Variants in NRG1 observed in about 807,000 individuals in gnomAD.
NRG1 encodes pro-neuregulin-1, membrane-bound isoform.
In NRG1, 18 loss-of-function variants were observed where a neutral mutation model predicts 63.8. The observed-to-expected ratio is 0.28, with a 90% confidence interval of 0.19 to 0.42. NRG1 has a LOEUF of 0.42. NRG1 is among the 10% of genes least tolerant of loss of function. The pLI is 1.00. For missense variants in NRG1, 762 were observed against 814.7 expected (o/e 0.94, Z 0.79); for synonymous variants, 302 against 301.3 (o/e 1.00, Z -0.02).
chr8:32,548,479 T>C lies in NRG1; in HGVS notation c.-248T>C, dbSNP rs1485122542. 1.3e-5 allele frequency: 16 copies of C among 1,191,362 alleles called. No homozygotes were observed. The African/African-American group carries it at 2.4e-4, about 18-fold the overall frequency. 73.8% of individuals were successfully genotyped at this position (1,191,362 alleles called of 1,614,324 possible). A position where few individuals can be genotyped will look rare whatever the true frequency, so the allele number is the denominator to read the frequency against. On this transcript the variant is annotated 5_prime_UTR_variant, in exon 1 of 12. Coordinates refer to ENST00000356819, the Ensembl canonical transcript of NRG1. The stretch of plus-strand genomic sequence containing the variant: ...CCAGCGGTGGGACCCATCGACGACT[T>C]CCCGGGGCGACAGGAGCAGCCCCGA...
chr8:32,357,475 A>G (rs769565117), intron 1 of NRG1, among the ~76,000 whole-genome samples: 9 of 152,192 alleles, frequency 5.9e-5, no homozygotes, highest in Non-Finnish European at 1.0e-4. Context: ...ATAAATAGAC[A>G]TGAGTTAACG....
intron 1 of NRG1, among the ~76,000 whole-genome samples, chr8:32,515,111 A>G (rs1022378865): frequency 3.2e-4 from 48 of 152,034 alleles, no homozygotes; most frequent in African/African-American, 1.1e-3. Flanking sequence ...TGGTAGAATG[A>G]TTTATTTTCC....
At chr8:32,024,194 A>G (rs1050825222) in intron 1 of NRG1, among the ~76,000 whole-genome samples, 1 of 152,202 alleles carries the variant, frequency 6.6e-6, no homozygotes, top group Non-Finnish European at 1.5e-5. Flanking sequence ...CTTCCATTAC[A>G]TACATGTCTT....
At chr8:31,657,094 T>C (rs1490834484) in intron 1 of NRG1, among the ~76,000 whole-genome samples, 2 of 152,228 alleles carry the variant, frequency 1.3e-5, no homozygotes, top group African/African-American at 4.8e-5. Flanking sequence ...GCTGATTTGA[T>C]GCATTCATAG....
chr8:31,960,205 G>T (rs1805217435), intron 1 of NRG1, among the ~76,000 whole-genome samples: 1 of 152,184 alleles, frequency 6.6e-6, no homozygotes, highest in Non-Finnish European at 1.5e-5. Flanking sequence ...AATCTATATT[G>T]CTGTGATCCA....
rs553752358 is a variant in NRG1 at position 32,116,072 on chromosome 8, A to G, written c.37+476641A>G. Among the ~76,000 whole-genome samples, 44 of 152,246 alleles carry G rather than the reference A, an allele frequency of 2.9e-4. 1 individual carries two copies. Among genetic ancestry groups the G allele is most frequent in the African/African-American group, 9.9e-4 (41 of 41,552 alleles). ...GTGTTGAGAAAGATGATATTAATGT[A>G]TTCCGTTGTCCTAAATATTTCAAAC... On this transcript the variant is annotated intron_variant, in intron 1 of 10. Coordinates refer to the NRG1 transcript ENST00000519301.
At chr8:32,276,981 G>T (rs1208221546) in intron 1 of NRG1, among the ~76,000 whole-genome samples, 1 of 152,176 alleles carries the variant, frequency 6.6e-6, no homozygotes, top group African/African-American at 2.4e-5. Context: ...CTGTGGCCTT[G>T]CAGAAGCCTG....
chr8:32,191,702 A>G (rs1344819077), intron 1 of NRG1, among the ~76,000 whole-genome samples: 1 of 152,214 alleles, frequency 6.6e-6, no homozygotes, highest in East Asian at 1.9e-4. Context: ...TGGGGAAGAC[A>G]GAGGAGAGAG....
intron 1 of NRG1, among the ~76,000 whole-genome samples, chr8:31,803,665 T>A (rs1822003899): frequency 6.6e-6 from 1 of 152,202 alleles, no homozygotes; most frequent in Non-Finnish European, 1.5e-5. Flanking sequence ...AGAGGCAAAA[T>A]GACCTTTTAA....
At chr8:32,367,881 C>T (rs1245136804) in intron 1 of NRG1, among the ~76,000 whole-genome samples, 5 of 152,162 alleles carry the variant, frequency 3.3e-5, no homozygotes, top group Non-Finnish European at 7.3e-5. Context: ...CTTCATTCTT[C>T]TACATATGGA....
intron 1 of NRG1, among the ~76,000 whole-genome samples, chr8:32,412,859 C>T (rs1025992173): frequency 1.3e-5 from 2 of 152,116 alleles, no homozygotes; most frequent in Non-Finnish European, 2.9e-5. Flanking sequence ...TGTCATTATG[C>T]AGCATATGAC....
At chr8:32,021,662 C>CT (rs1246703128) in intron 1 of NRG1, among the ~76,000 whole-genome samples, 2 of 151,986 alleles carry the variant, frequency 1.3e-5, no homozygotes, top group Non-Finnish European at 2.9e-5. Context: ...ACATATATAA[C>CT]TTTGAGACAT....
At chr8:31,750,662 A>G (rs1337155942) in intron 1 of NRG1, among the ~76,000 whole-genome samples, 2 of 151,974 alleles carry the variant, frequency 1.3e-5, no homozygotes, top group Non-Finnish European at 2.9e-5. Flanking sequence ...GTTGCTATAT[A>G]AATCACATCT....
intron 1 of NRG1, among the ~76,000 whole-genome samples, chr8:31,835,685 C>G (rs1825626609): frequency 6.6e-6 from 1 of 152,118 alleles, no homozygotes; most frequent in African/African-American, 2.4e-5. Flanking sequence ...GTTGCCCTTG[C>G]TATTCATTTC....
intron 1 of NRG1, among the ~76,000 whole-genome samples, chr8:32,124,053 T>C (rs561764065): frequency 6.6e-6 from 1 of 151,974 alleles, no homozygotes; most frequent in Admixed American, 6.6e-5. Flanking sequence ...TTCTCTCTTT[T>C]CCCTTTATTT....
chr8:31,947,306 C>CAAAAAAAAAAAAAAA (rs61713691), intron 1 of NRG1, among the ~76,000 whole-genome samples: 33 of 132,692 alleles, frequency 2.5e-4, no homozygotes, highest in African/African-American at 1.0e-3. Flanking sequence ...GACTCCGTCT[C>CAAAAAAAAAAAAAAA]AAAAAAAAAA....
exon 12 of NRG1, chr8:32,766,666 G>A (rs1312564346): frequency 2.0e-5 from 3 of 152,196 alleles, no homozygotes; most frequent in Admixed American, 1.3e-4. Context: ...TTCTTACAAT[G>A]AGAATTGCTA....
chr8:31,928,949 AAAATCCTAAGCT>A (rs1834645359), intron 1 of NRG1, among the ~76,000 whole-genome samples: 1 of 152,188 alleles, frequency 6.6e-6, no homozygotes, highest in African/African-American at 2.4e-5. Flanking sequence ...TAGGTACACT[AAAATCCTAAGCT>A]TCACCACCAT....
At chr8:32,613,117 C>T (rs1029396659) in intron 3 of NRG1, among the ~76,000 whole-genome samples, 15 of 151,998 alleles carry the variant, frequency 9.9e-5, no homozygotes, top group African/African-American at 3.6e-4. Flanking sequence ...GATGTACCCT[C>T]ACATACTAAT....
Sources: allele counts gnomAD v4.1 joint callset (sites outside exome capture counted in the v4.1 genomes callset), GRCh38; gene constraint gnomAD v4.1.1; transcripts MANE v1.5; gene names NCBI Gene and HGNC (gene_info 2026-07-23, HGNC 2026-07-21).